SND1: variants seen among roughly 807,000 people sequenced by gnomAD.
SND1 encodes the protein staphylococcal nuclease domain-containing protein 1.
SND1 carries 38 observed loss-of-function variants against 121.7 expected under a neutral mutation model. That is an observed-to-expected ratio of 0.31 (90% CI 0.24 to 0.41). SND1 has a LOEUF of 0.41. Ranked by LOEUF, SND1 falls within the 10% of genes least tolerant of loss-of-function variation. SND1 has a pLI of 1.00. For synonymous variants in SND1, 401 were observed against 447.4 expected, an observed-to-expected ratio of 0.90 and a Z score of 1.31; for missense variants, 868 against 1,184.6, an observed-to-expected ratio of 0.73 and a Z score of 3.92.
chr7:128,085,626 T>C lies in SND1; in HGVS notation c.2235-85T>C. ...GTTGAACCCAGGCAGGGAAATGCTG[T>C]GCCCCTGCCCCGCCATTGCTGAGGC... On this transcript the variant is annotated intron_variant, in intron 19 of 23. Transcript: ENST00000354725. This position sits in a 1 kb window ranked among gnomAD's most constrained non-coding sequence, Gnocchi z 4.4. 1 of 1,197,818 alleles carries C rather than the reference T, an allele frequency of 8.3e-7. No homozygotes were observed. Among genetic ancestry groups the C allele is most frequent in the Non-Finnish European group, 1.2e-6 (1 of 809,242 alleles). 74.2% of individuals were successfully genotyped at this position (1,197,818 alleles called of 1,614,324 possible).
At chr7:127,855,454 G>A (rs1799257496) in intron 12 of SND1, among the ~76,000 whole-genome samples, 1 of 151,818 alleles carries the variant, frequency 6.6e-6, no homozygotes. Flanking sequence ...ATAGGTCTGA[G>A]GTAAAAAACT....
At chr7:127,871,789 C>T (rs888133942) in intron 12 of SND1, among the ~76,000 whole-genome samples, 1 of 152,144 alleles carries the variant, frequency 6.6e-6, no homozygotes, top group Non-Finnish European at 1.5e-5. Context: ...TGTGAATCTA[C>T]ATTGAACATG....
chr7:128,021,552 C>G (rs937277618), intron 16 of SND1, among the ~76,000 whole-genome samples: 1 of 152,218 alleles, frequency 6.6e-6, no homozygotes, highest in Non-Finnish European at 1.5e-5. Flanking sequence ...GGAAACCAAA[C>G]TTTGCACAGG....
intron 10 of SND1, among the ~76,000 whole-genome samples, chr7:127,788,720 TTC>T (rs1797857870): frequency 6.6e-6 from 1 of 152,216 alleles, no homozygotes; most frequent in South Asian, 2.1e-4. Context: ...TCAAATTCTC[TTC>T]TCTTTGGGAT....
intron 10 of SND1, among the ~76,000 whole-genome samples, chr7:127,795,599 T>C (rs1209846053): frequency 1.3e-5 from 2 of 152,196 alleles, no homozygotes; most frequent in African/African-American, 4.8e-5. Context: ...GGTGTGTTTT[T>C]TCAAGATCAT....
At chr7:127,795,858 T>TTATG (rs1427225935) in intron 10 of SND1, among the ~76,000 whole-genome samples, 2 of 151,514 alleles carry the variant, frequency 1.3e-5, no homozygotes, top group African/African-American at 4.9e-5. Context: ...ATTTATTTAT[T>TTATG]TTATTTTATT....
intron 14 of SND1, among the ~76,000 whole-genome samples, chr7:127,927,858 T>A (rs931858888): frequency 6.6e-6 from 1 of 151,980 alleles, no homozygotes; most frequent in African/African-American, 2.4e-5. Context: ...AGAAGAAGAG[T>A]CAAAAAGGAA....
intron 16 of SND1, among the ~76,000 whole-genome samples, chr7:128,072,857 C>T (rs908773130): frequency 2.0e-5 from 3 of 152,224 alleles, no homozygotes; most frequent in Admixed American, 6.5e-5. Context: ...CTGCCCTTCT[C>T]TCCTACAAGA....
At chr7:127,730,285 A>G (rs1162857409) in intron 10 of SND1, among the ~76,000 whole-genome samples, 7 of 152,204 alleles carry the variant, frequency 4.6e-5, no homozygotes, top group Non-Finnish European at 1.5e-5. Context: ...GACAGCTCTT[A>G]GTCTCACCAT....
intron 16 of SND1, among the ~76,000 whole-genome samples, chr7:128,019,352 G>A (rs1385351731): frequency 6.6e-6 from 1 of 152,194 alleles, no homozygotes; most frequent in African/African-American, 2.4e-5. Context: ...TGTCTCTTGT[G>A]TAATGATAGC....
intron 1 of SND1, among the ~76,000 whole-genome samples, chr7:127,674,242 A>T (rs889771915): frequency 6.6e-6 from 1 of 152,174 alleles, no homozygotes; most frequent in African/African-American, 2.4e-5. Flanking sequence ...GCCCATTGCT[A>T]CTAGGGTATC....
At chr7:127,742,159 C>T (rs956806121) in intron 10 of SND1, among the ~76,000 whole-genome samples, 1 of 152,148 alleles carries the variant, frequency 6.6e-6, no homozygotes, top group Non-Finnish European at 1.5e-5. Context: ...GTAATGTTAG[C>T]ATTAGTGTGA....
intron 10 of SND1, among the ~76,000 whole-genome samples, chr7:127,804,941 T>A (rs1057251582): frequency 6.6e-6 from 1 of 152,200 alleles, no homozygotes; most frequent in Non-Finnish European, 1.5e-5. Context: ...ACTTCTTTAT[T>A]CCTGAGGGCT....
intron 18 of SND1, among the ~76,000 whole-genome samples, chr7:128,083,225 A>G (rs1242356165): frequency 6.6e-6 from 1 of 152,248 alleles, no homozygotes; most frequent in African/African-American, 2.4e-5. Context: ...GAGGCTCTGT[A>G]AGGACCTCCC....
intron 1 of SND1, among the ~76,000 whole-genome samples, chr7:127,671,329 T>C (rs1795514343): frequency 6.6e-6 from 1 of 152,214 alleles, no homozygotes; most frequent in African/African-American, 2.4e-5. Context: ...TATCATCCTC[T>C]CTATATTTAT....
At chr7:127,797,180 G>A (rs977732036) in intron 10 of SND1, among the ~76,000 whole-genome samples, 7 of 152,006 alleles carry the variant, frequency 4.6e-5, no homozygotes, top group Admixed American at 3.9e-4. Flanking sequence ...GGTGTGAGCC[G>A]CTGTGCCCGG....
chr7:127,780,044 G>A (rs1797692014), intron 10 of SND1, among the ~76,000 whole-genome samples: 1 of 152,124 alleles, frequency 6.6e-6, no homozygotes, highest in African/African-American at 2.4e-5. Context: ...TAGGATTCAG[G>A]TTTGATTCGT....
At chr7:128,043,246 C>T (rs1421854103) in intron 16 of SND1, among the ~76,000 whole-genome samples, 1 of 152,114 alleles carries the variant, frequency 6.6e-6, no homozygotes, top group East Asian at 1.9e-4. Flanking sequence ...TAATACCAGC[C>T]TCATCTTTGC....
At chr7:127,709,185 G>T (rs757843957) in intron 9 of SND1, among the ~76,000 whole-genome samples, 4 of 152,174 alleles carry the variant, frequency 2.6e-5, no homozygotes, top group Admixed American at 6.5e-5. Flanking sequence ...TCTTTGTGAG[G>T]CGTGTACGTG....
Sources: gnomAD v4.1 joint callset for allele counts (sites outside exome capture counted in the v4.1 genomes callset) on GRCh38, gnomAD v4.1.1 for gene constraint, Gnocchi (gnomAD v3.1) non-coding constraint, MANE v1.5 for transcripts, NCBI Gene and HGNC (gene_info 2026-07-23, HGNC 2026-07-21) for gene names.